The following ITFG1 variants were observed in gnomAD, a reference collection of about 807,000 sequenced individuals.
The protein encoded by ITFG1 is integrin alpha FG-GAP repeat containing 1.
In ITFG1, 34 loss-of-function variants were observed where a neutral mutation model predicts 81.8. The ratio of observed to expected loss-of-function variants is 0.42; its 90% CI spans 0.32 to 0.55. The LOEUF (loss-of-function observed/expected upper bound fraction) is 0.55, where lower values mean the gene tolerates loss of function less well. Among genes scored for constraint, ITFG1 ranks in the 20% least tolerant of loss-of-function variants. ITFG1 has a pLI of 0.17. For missense variants in ITFG1, 672 were observed against 755.4 expected, an observed-to-expected ratio of 0.89 and a Z score of 1.29; for synonymous variants, 285 against 270.6, an observed-to-expected ratio of 1.05 and a Z score of -0.52.
chr16:47,394,315 A>G (rs1968568284), intron 6 of ITFG1, among the ~76,000 whole-genome samples: 1 of 152,196 alleles, frequency 6.6e-6, no homozygotes, highest in African/African-American at 2.4e-5. Flanking sequence ...AGAAAATATT[A>G]TATACTTTTA....
At chr16:47,224,968 T>C (rs1965740683) in intron 13 of ITFG1, among the ~76,000 whole-genome samples, 2 of 152,212 alleles carry the variant, frequency 1.3e-5, no homozygotes, top group South Asian at 2.1e-4. Context: ...CACTGCACTC[T>C]AGCCTGGGCA....
At chr16:47,254,399 T>C (rs552700076) in intron 12 of ITFG1, among the ~76,000 whole-genome samples, 1 of 152,004 alleles carries the variant, frequency 6.6e-6, no homozygotes, top group Non-Finnish European at 1.5e-5. Flanking sequence ...TTATTATTAT[T>C]ATTATTACAA....
intron 10 of ITFG1, among the ~76,000 whole-genome samples, chr16:47,270,963 T>C (rs897047973): frequency 1.3e-5 from 2 of 152,202 alleles, no homozygotes; most frequent in African/African-American, 4.8e-5. Flanking sequence ...ATATGTTCAT[T>C]ATCTTGATTG....
chr16:47,420,846 C>T (rs574668814), intron 6 of ITFG1, among the ~76,000 whole-genome samples: 8 of 152,288 alleles, frequency 5.3e-5, no homozygotes, highest in African/African-American at 1.9e-4. Context: ...TACACAGCTT[C>T]AGGCACTCCT....
intron 6 of ITFG1, among the ~76,000 whole-genome samples, chr16:47,376,401 TTA>T (rs1183328612): frequency 1.3e-5 from 2 of 152,216 alleles, no homozygotes; most frequent in Non-Finnish European, 2.9e-5. Flanking sequence ...AATGAATAAA[TTA>T]TGTTTCAAAT....
At chr16:47,358,898 A>G (rs1218240142) in intron 8 of ITFG1, among the ~76,000 whole-genome samples, 2 of 152,170 alleles carry the variant, frequency 1.3e-5, no homozygotes, top group Non-Finnish European at 2.9e-5. Context: ...AATGAATACC[A>G]TGTCAGCAAT....
intron 6 of ITFG1, among the ~76,000 whole-genome samples, chr16:47,399,933 T>C (rs1968639525): frequency 6.6e-6 from 1 of 152,242 alleles, no homozygotes. Context: ...TATTTGTTTA[T>C]AGATCAGAAT....
chr16:47,440,019 AG>A (rs1567501004), intron 5 of ITFG1, among the ~76,000 whole-genome samples: 1 of 152,200 alleles, frequency 6.6e-6, no homozygotes, highest in Non-Finnish European at 1.5e-5. Context: ...AAACAAAAAA[AG>A]GCAGGGGTTG....
At chr16:47,190,214 GA>G (rs376009972) in intron 14 of ITFG1, among the ~76,000 whole-genome samples, 67 of 145,946 alleles carry the variant, frequency 4.6e-4, no homozygotes, top group African/African-American at 1.4e-3. Context: ...TTAGTAGGAA[GA>G]AAAAAAAAAG....
intron 14 of ITFG1, among the ~76,000 whole-genome samples, chr16:47,186,743 G>A (rs1317081940): frequency 6.6e-6 from 1 of 152,214 alleles, no homozygotes; most frequent in Non-Finnish European, 1.5e-5. Context: ...TCAACCTAGT[G>A]TTGGAAATTC....
chr16:47,377,514 A>G (rs1968342165), intron 6 of ITFG1, among the ~76,000 whole-genome samples: 1 of 152,176 alleles, frequency 6.6e-6, no homozygotes, highest in African/African-American at 2.4e-5. Flanking sequence ...TTTCAGACAG[A>G]GCAAAGTAGT....
intron 14 of ITFG1, among the ~76,000 whole-genome samples, chr16:47,171,602 T>G (rs938557341): frequency 1.3e-5 from 2 of 152,220 alleles, no homozygotes; most frequent in Non-Finnish European, 2.9e-5. Flanking sequence ...TCTTTTCAAG[T>G]TCCTTATGGT....
At chr16:47,356,009 T>C (rs1968035215) in intron 8 of ITFG1, among the ~76,000 whole-genome samples, 1 of 152,190 alleles carries the variant, frequency 6.6e-6, no homozygotes, top group South Asian at 2.1e-4. Context: ...GATGATAACA[T>C]ATTTTAAAAT....
At chr16:47,213,360 G>A (rs577831226) in intron 14 of ITFG1, among the ~76,000 whole-genome samples, 147 of 151,820 alleles carry the variant, frequency 9.7e-4, no homozygotes, top group Middle Eastern at 3.4e-3. Flanking sequence ...ATGCTCCATG[G>A]GCATTTGAAA....
At chr16:47,314,230 T>C (rs1967315877) in intron 8 of ITFG1, among the ~76,000 whole-genome samples, 1 of 152,174 alleles carries the variant, frequency 6.6e-6, no homozygotes, top group South Asian at 2.1e-4. Context: ...AGAGACCCCA[T>C]TTCAGCCTGT....
intron 14 of ITFG1, chr16:47,202,470 G>A (rs1020992713): frequency 1.3e-5 from 2 of 152,092 alleles, no homozygotes; most frequent in African/African-American, 4.8e-5. Context: ...AATGTCTGCT[G>A]TTCCTTCACT....
rs1199294235 is a variant in ITFG1 at position 47,332,769 on chromosome 16, A to C, written c.803-18946T>G. 2.6e-5 allele frequency among the ~76,000 whole-genome samples: 4 copies of C among 152,190 alleles called. No homozygotes were observed. In the East Asian group the frequency reaches 7.7e-4, roughly 29 times the overall value. ...GGGTCCTTCAACCCATGCAAGCTCT[A>C]TTTAGGAATGGCCCAGAACCAGGTA... On this transcript the variant is annotated intron_variant, in intron 8 of 17. Transcript: ENST00000320640.
At chr16:47,240,457 C>T (rs1347314019) in intron 12 of ITFG1, among the ~76,000 whole-genome samples, 2 of 152,020 alleles carry the variant, frequency 1.3e-5, no homozygotes, top group East Asian at 3.9e-4. Context: ...AATAAAAAGA[C>T]AACCCAGATG....
chr16:47,225,479 A>G (rs1405226865), intron 13 of ITFG1, among the ~76,000 whole-genome samples: 2 of 152,224 alleles, frequency 1.3e-5, no homozygotes, highest in African/African-American at 2.4e-5. Flanking sequence ...GATACATCAC[A>G]GTCAAACCCT....
Sources: allele counts gnomAD v4.1 joint callset (sites outside exome capture counted in the v4.1 genomes callset), GRCh38; gene constraint gnomAD v4.1.1; transcripts MANE v1.5; gene names NCBI Gene and HGNC (gene_info 2026-07-23, HGNC 2026-07-21).